The following RGS22 variants were observed in gnomAD, a reference collection of about 807,000 sequenced individuals.
RGS22 encodes regulator of G-protein signaling 22.
In RGS22, 148 loss-of-function variants were observed where a neutral mutation model predicts 172.9. The observed-to-expected ratio is 0.86, with a 90% CI of 0.75 to 0.98. RGS22 has a LOEUF of 0.98. RGS22 is among the 50% of genes least tolerant of loss of function. The pLI, the probability that RGS22 is intolerant of heterozygous loss-of-function variation, is 0.00. For missense variants in RGS22, 1,347 were observed against 1,440.8 expected (o/e 0.93, Z 1.05); for synonymous variants, 458 against 480.2 (o/e 0.95, Z 0.60).
At chr8:100,029,776 T>C (rs1435441583) in intron 14 of RGS22, among the ~76,000 whole-genome samples, 1 of 150,806 alleles carries the variant, frequency 6.6e-6, no homozygotes, top group Non-Finnish European at 1.5e-5. Flanking sequence ...CTGCATGCTC[T>C]GCACATGTAT....
chr8:100,067,651 G>A (rs917613721), intron 6 of RGS22, among the ~76,000 whole-genome samples: 6 of 140,228 alleles, frequency 4.3e-5, no homozygotes, highest in Non-Finnish European at 9.1e-5. Flanking sequence ...TGGAGACAGA[G>A]TCTCACTGTG....
At chr8:99,982,493 TGGA>T (rs999369008) in intron 21 of RGS22, among the ~76,000 whole-genome samples, 2 of 152,190 alleles carry the variant, frequency 1.3e-5, no homozygotes, top group Non-Finnish European at 2.9e-5. Context: ...CAATCTCCAC[TGGA>T]GGAGAAGTGT....
intron 21 of RGS22, among the ~76,000 whole-genome samples, chr8:99,983,906 ATAAGT>A (rs997201353): frequency 1.6e-4 from 25 of 152,360 alleles, no homozygotes; most frequent in South Asian, 4.1e-4. Context: ...ATAATTTGGT[ATAAGT>A]TAAGTGTGAA....
At chr8:100,082,873 C>T (rs769301089) in intron 3 of RGS22, among the ~76,000 whole-genome samples, 3 of 152,148 alleles carry the variant, frequency 2.0e-5, no homozygotes, top group African/African-American at 4.8e-5. Context: ...AGTAAAGGCA[C>T]AGAGGCATGA....
chr8:100,093,299 T>A, intron 3 of RGS22, 148 bp downstream of exon 3: 1 of 522,424 alleles, frequency 1.9e-6, no homozygotes. Context: ...AATGATTAAC[T>A]ATGTAAAAAG....
intron 10 of RGS22, among the ~76,000 whole-genome samples, chr8:100,048,198 A>T (rs1464898814): frequency 6.6e-6 from 1 of 152,214 alleles, no homozygotes; most frequent in East Asian, 1.9e-4. Flanking sequence ...GTCCAAATGG[A>T]GAATGGGATA....
intron 14 of RGS22, among the ~76,000 whole-genome samples, chr8:100,026,185 C>T (rs538511092): frequency 3.9e-5 from 6 of 152,272 alleles, no homozygotes; most frequent in Admixed American, 1.3e-4. Context: ...CATAGACATA[C>T]TCAGAGAACC....
intron 24 of RGS22, among the ~76,000 whole-genome samples, chr8:99,964,432 CG>C (rs1388565996): frequency 1.4e-5 from 2 of 144,692 alleles, no homozygotes; most frequent in African/African-American, 2.6e-5. Context: ...AAAGAGTTAT[CG>C]TACCAGTGCA....
intron 19 of RGS22, among the ~76,000 whole-genome samples, chr8:99,997,502 T>C (rs576866438): frequency 2.6e-5 from 4 of 152,338 alleles, no homozygotes; most frequent in Admixed American, 2.6e-4. Flanking sequence ...CTATAAATTC[T>C]GTCTTCCCAG....
rs754533924 is a variant in RGS22 at position 100,064,095 on chromosome 8, T to C, written c.725-52A>G. 1.3e-5 allele frequency: 17 copies of C among 1,309,412 alleles called. No individual in the cohort carries two copies. The Admixed American group carries it at 1.6e-4, about 12-fold the overall frequency. The allele number at this position is 1,309,412 out of a possible 1,614,324, so 81.1% of individuals were successfully genotyped here. On this transcript the variant is annotated intron_variant, in intron 7 of 27. Coordinates refer to ENST00000360863, the MANE Select transcript of RGS22 (RefSeq NM_015668.5). ...GATTAGATATGAATACAAACCTTTC[T>C]TATTATTAAATAGATGCTATAGAGC...
intron 24 of RGS22, 81 bp from the exon 25 acceptor site, chr8:99,963,059 C>T: frequency 9.1e-7 from 1 of 1,103,766 alleles, no homozygotes; most frequent in Non-Finnish European, 1.3e-6. Flanking sequence ...TTCTATCAGC[C>T]TCTTCATTTA....
chr8:100,016,138 G>T, intron 14 of RGS22, among the ~76,000 whole-genome samples: 1 of 152,156 alleles, frequency 6.6e-6, no homozygotes, highest in Non-Finnish European at 1.5e-5. Flanking sequence ...ATAACGCAAA[G>T]AAAAGCAGAT....
intron 23 of RGS22, among the ~76,000 whole-genome samples, chr8:99,970,416 A>C (rs1588873956): frequency 6.6e-6 from 1 of 152,146 alleles, no homozygotes. Flanking sequence ...GACATGAAAA[A>C]CCCTTCAAAA....
At chr8:100,086,072 G>A (rs1476932285) in intron 3 of RGS22, among the ~76,000 whole-genome samples, 2 of 152,078 alleles carry the variant, frequency 1.3e-5, no homozygotes, top group Non-Finnish European at 2.9e-5. Context: ...AACAGGCAAT[G>A]TCAGGTAGAC....
At chr8:100,017,664 AAAC>A (rs1817150974) in intron 14 of RGS22, among the ~76,000 whole-genome samples, 2 of 152,208 alleles carry the variant, frequency 1.3e-5, no homozygotes, top group South Asian at 4.1e-4. Context: ...TTAAAAAGCT[AAAC>A]AACACACTTA....
chr8:100,064,839 T>C (rs1651770582), intron 7 of RGS22, among the ~76,000 whole-genome samples: 1 of 152,188 alleles, frequency 6.6e-6, no homozygotes, highest in Non-Finnish European at 1.5e-5. Context: ...GAAACAATAA[T>C]AGCAAGTTTT....
At chr8:100,021,737 T>C (rs1486522623) in intron 14 of RGS22, among the ~76,000 whole-genome samples, 4 of 151,432 alleles carry the variant, frequency 2.6e-5, no homozygotes, top group Non-Finnish European at 2.9e-5. Context: ...GCTTGGACTT[T>C]ATATAAAACA....
At chr8:100,054,932 A>T (rs1283229930) in intron 9 of RGS22, among the ~76,000 whole-genome samples, 1 of 152,196 alleles carries the variant, frequency 6.6e-6, no homozygotes, top group African/African-American at 2.4e-5. Context: ...TGGAAAGTGG[A>T]AGGAACAGTG....
chr8:100,075,840 C>A (rs925535407), intron 4 of RGS22, among the ~76,000 whole-genome samples: 3 of 152,174 alleles, frequency 2.0e-5, no homozygotes, highest in Non-Finnish European at 4.4e-5. Flanking sequence ...ACAATTGCAG[C>A]AGCAGTGTAT....
Sources: allele counts gnomAD v4.1 joint callset (sites outside exome capture counted in the v4.1 genomes callset), GRCh38; gene constraint gnomAD v4.1.1; transcripts MANE v1.5; gene names NCBI Gene and HGNC (gene_info 2026-07-23, HGNC 2026-07-21).